DCUN1D2: variants seen among roughly 807,000 people sequenced by gnomAD.
DCUN1D2 encodes the protein DCN1-like protein 2.
A neutral mutation model predicts 30.9 loss-of-function variants in DCUN1D2; 29 were observed. The observed-to-expected ratio is 0.94, with a 90% CI of 0.70 to 1.28. The LOEUF (loss-of-function observed/expected upper bound fraction) is 1.28. Ranked by LOEUF, DCUN1D2 falls within the 50% of genes most tolerant of loss-of-function variation. The pLI, the probability that DCUN1D2 is intolerant of heterozygous loss-of-function variation, is 0.00. For synonymous variants in DCUN1D2, 121 were observed against 115.3 expected (o/e 1.05, Z -0.32); for missense variants, 325 against 316.9 (o/e 1.03, Z -0.19).
intron 4 of DCUN1D2, among the ~76,000 whole-genome samples, chr13:113,470,377 T>C (rs2044481491): frequency 6.6e-6 from 1 of 152,210 alleles, no homozygotes; most frequent in Non-Finnish European, 1.5e-5. Context: ...TCGCTGCCAT[T>C]ATGTGACACA....
At chr13:113,489,854 T>C (rs1404551521) in intron 1 of DCUN1D2, among the ~76,000 whole-genome samples, 1 of 151,994 alleles carries the variant, frequency 6.6e-6, no homozygotes, top group Admixed American at 6.5e-5. Flanking sequence ...ATCCTACAAG[T>C]TCCTGGAACC....
chr13:113,481,881 G>T (rs1017011940), intron 2 of DCUN1D2, among the ~76,000 whole-genome samples: 3 of 114,136 alleles, frequency 2.6e-5, no homozygotes, highest in African/African-American at 1.2e-4. Context: ...AAAAAAAAAA[G>T]AAAAATTGGT....
intron 4 of DCUN1D2, among the ~76,000 whole-genome samples, chr13:113,467,030 G>A (rs927559030): frequency 6.6e-6 from 1 of 151,870 alleles, no homozygotes; most frequent in East Asian, 1.9e-4. Flanking sequence ...GGGTGGTCTC[G>A]ATCTCCTGAC....
chr13:113,487,612 C>T (rs1262233695), intron 1 of DCUN1D2, among the ~76,000 whole-genome samples: 1 of 152,184 alleles, frequency 6.6e-6, no homozygotes, highest in Non-Finnish European at 1.5e-5. Context: ...TCCAGCCACA[C>T]AGTGTACGAT....
chr13:113,461,160 G>T, intron 4 of DCUN1D2, 24 bp from the exon 5 acceptor site: 1 of 1,448,530 alleles, frequency 6.9e-7, no homozygotes, highest in Non-Finnish European at 9.6e-7. Flanking sequence ...AGAAAGAGCA[G>T]TTAGTAAATC....
intron 3 of DCUN1D2, among the ~76,000 whole-genome samples, chr13:113,478,709 A>G (rs2044658531): frequency 6.6e-6 from 1 of 152,146 alleles, no homozygotes; most frequent in South Asian, 2.1e-4. Flanking sequence ...CCCAAGGGTT[A>G]CTTAGAGGTA....
chr13:113,458,285 G>C (rs929063244), intron 6 of DCUN1D2, among the ~76,000 whole-genome samples, 177 bp from the exon 7 acceptor site: 1 of 152,206 alleles, frequency 6.6e-6, no homozygotes, highest in Admixed American at 6.5e-5. Flanking sequence ...GCCCTAGCAC[G>C]GCCAGGTCGG....
At chr13:113,467,422 T>C (rs918828752) in intron 4 of DCUN1D2, among the ~76,000 whole-genome samples, 1 of 152,198 alleles carries the variant, frequency 6.6e-6, no homozygotes, top group Non-Finnish European at 1.5e-5. Flanking sequence ...CAAAGACAGC[T>C]TGATGAACTT....
intron 4 of DCUN1D2, among the ~76,000 whole-genome samples, chr13:113,465,872 G>GAT (rs5806992): frequency 6.6e-6 from 1 of 151,172 alleles, no homozygotes; most frequent in Admixed American, 6.6e-5. Context: ...TATATAGACA[G>GAT]ATATATATAG....
chr13:113,490,788 C>T, upstream of DCUN1D2: 1 of 965,104 alleles, frequency 1.0e-6, no homozygotes, highest in Non-Finnish European at 1.3e-6. This position sits in a 1 kb window ranked among gnomAD's most constrained non-coding sequence, Gnocchi z 5.2. Context: ...GGGAGCCGGC[C>T]GCGGGGACTC....
In DCUN1D2 at chr13:113,480,659, ACACTGATACTG is replaced by A; in HGVS notation, c.294_304del (p.Ser99IlefsTer14). On this transcript the variant is annotated frameshift_variant, in exon 3 of 7. Transcript: ENST00000478244. LOFTEE classifies it high-confidence loss of function. ...CCTGAACTTCCACGCTATGACCAAT[ACACTGATACTG>A]GCAGGATCCAGGCTCAGATCATCAC... is the stretch of plus-strand genomic sequence containing the variant. 6.2e-7 allele frequency: 1 copy of A among 1,614,176 alleles called. No individual in the cohort carries two copies. The highest frequency in any genetic ancestry group is 8.5e-7 in the Non-Finnish European group (1 of 1,180,018).
At chr13:113,484,741 G>T (rs537422480) in intron 1 of DCUN1D2, among the ~76,000 whole-genome samples, 3 of 152,232 alleles carry the variant, frequency 2.0e-5, no homozygotes, top group Non-Finnish European at 4.4e-5. Flanking sequence ...ACTATATATA[G>T]TATATAATGA....
At chr13:113,468,292 A>C (rs1290104083) in intron 4 of DCUN1D2, among the ~76,000 whole-genome samples, 2 of 152,008 alleles carry the variant, frequency 1.3e-5, no homozygotes, top group African/African-American at 4.8e-5. Flanking sequence ...AAAGATACAT[A>C]CTGTGTGATT....
chr13:113,465,352 G>T (rs912032965), intron 4 of DCUN1D2, among the ~76,000 whole-genome samples: 1 of 152,138 alleles, frequency 6.6e-6, no homozygotes, highest in African/African-American at 2.4e-5. Flanking sequence ...CTGCTCAAAA[G>T]TAAAGCATGA....
intron 3 of DCUN1D2, among the ~76,000 whole-genome samples, chr13:113,478,393 GTTAC>G (rs2044653632): frequency 6.7e-6 from 1 of 150,244 alleles, no homozygotes; most frequent in Non-Finnish European, 1.5e-5. Flanking sequence ...ATCTACGTAC[GTTAC>G]TTGTGATTTA....
intron 1 of DCUN1D2, among the ~76,000 whole-genome samples, chr13:113,489,484 C>G (rs571910152): frequency 6.6e-6 from 1 of 152,322 alleles, no homozygotes; most frequent in South Asian, 2.1e-4. Context: ...GCTCCCTCCT[C>G]CTTTAAACTC....
Position 113,490,141 on chromosome 13 carries a change from C to G in DCUN1D2, c.3+526G>C, listed in dbSNP as rs1209606953. On this transcript the variant is annotated intron_variant, in intron 1 of 6. Coordinates refer to ENST00000478244, the MANE Select transcript of DCUN1D2 (RefSeq NM_001014283.2). The surrounding 1 kb of genome is among the most constrained non-coding windows in gnomAD (Gnocchi z 5.2). ...CTCCACAGATGCACACCTACAGCCACGCTACAGCTCCCGGCTAGAGCCCGC... is the reference window on the plus strand; with the variant it reads ...CTCCACAGATGCACACCTACAGCCAGGCTACAGCTCCCGGCTAGAGCCCGC... Among the ~76,000 whole-genome samples the G allele has an allele frequency of 6.6e-6, 1 of 152,242 alleles. No individual in the cohort carries two copies. Among genetic ancestry groups the G allele is most frequent in the Non-Finnish European group, 1.5e-5 (1 of 68,034 alleles).
chr13:113,483,751 C>CTG (rs2044750640), intron 2 of DCUN1D2, 89 bp downstream of exon 2: 1 of 1,352,296 alleles, frequency 7.4e-7, no homozygotes, highest in Non-Finnish European at 1.0e-6. Context: ...GCCCGGAGAC[C>CTG]TGCCCCGGCA....
At position 113,490,378 on chromosome 13, in the gene DCUN1D2, C is replaced by G; in HGVS notation, c.3+289G>C. On this transcript the variant is annotated intron_variant, in intron 1 of 6. Coordinates refer to ENST00000478244, the MANE Select transcript of DCUN1D2 (RefSeq NM_001014283.2). The surrounding 1 kb of genome is among the most constrained non-coding windows in gnomAD (Gnocchi z 5.2). ...CCCCGGCCTGGGTTCCCGCTCGGCCCCGGCCCCTGCCCCAAGGCCCCTACA... is the reference window on the plus strand; with the variant it reads ...CCCCGGCCTGGGTTCCCGCTCGGCCGCGGCCCCTGCCCCAAGGCCCCTACA... The G allele has an allele frequency of 3.3e-6, 1 of 302,436 alleles. No individual in the cohort carries two copies. The highest frequency in any genetic ancestry group is 6.1e-6 in the Non-Finnish European group (1 of 164,884). The allele number at this position is 302,436 out of a possible 1,614,324, so 18.7% of individuals were successfully genotyped here.
Sources: gnomAD v4.1 joint callset for allele counts (sites outside exome capture counted in the v4.1 genomes callset) on GRCh38, gnomAD v4.1.1 for gene constraint, Gnocchi (gnomAD v3.1) non-coding constraint, MANE v1.5 for transcripts, NCBI Gene and HGNC (gene_info 2026-07-23, HGNC 2026-07-21) for gene names.